The following CACNA1G variants were observed in gnomAD, a reference collection of about 807,000 sequenced individuals.
CACNA1G encodes voltage-dependent T-type calcium channel subunit alpha-1G.
Under a neutral mutation model 219.4 loss-of-function variants are expected in CACNA1G, and 67 were observed. The observed-to-expected ratio is 0.31, with a 90% CI of 0.25 to 0.37. The LOEUF (loss-of-function observed/expected upper bound fraction) is 0.37. CACNA1G is among the 10% of genes least tolerant of loss of function. The pLI is 1.00. For synonymous variants in CACNA1G, 1,296 were observed against 1,345.3 expected (o/e 0.96, Z 0.80); for missense variants, 2,380 against 3,231.4 (o/e 0.74, Z 6.39).
intron 17 of CACNA1G, 93 bp downstream of exon 17, chr17:50,599,952 C>G: frequency 7.9e-7 from 1 of 1,259,030 alleles, no homozygotes; most frequent in Admixed American, 2.4e-5. Flanking sequence ...AGTTACCATT[C>G]CAAGCCCACG....
At chr17:50,573,791 G>A (rs1026165943) in intron 7 of CACNA1G, 11 of 152,258 alleles carry the variant, frequency 7.2e-5, no homozygotes, top group African/African-American at 2.7e-4. Flanking sequence ...ATATTTAATA[G>A]TTTTAATCAC....
rs954369944 is a variant in CACNA1G, at chr17:50,618,451, C to A, written c.5427+108C>A. The A allele has an allele frequency of 2.8e-6, 4 of 1,448,544 alleles. No individual in the cohort carries two copies. The highest frequency in any genetic ancestry group is 3.8e-6 in the Non-Finnish European group (4 of 1,049,680). 89.7% of individuals were successfully genotyped at this position (1,448,544 alleles called of 1,614,324 possible). ...CAAATAAAAGCATGTGACCTTCTCT[C>A]CCCCGTGCTAGAACACTCTGGAACT... On this transcript the variant is annotated intron_variant, in intron 32 of 37. Transcript: ENST00000359106. This position sits in a 1 kb window ranked among gnomAD's most constrained non-coding sequence, Gnocchi z 5.3.
At chr17:50,625,782 C>A (rs2053634550) in intron 37 of CACNA1G, among the ~76,000 whole-genome samples, 1 of 152,052 alleles carries the variant, frequency 6.6e-6, no homozygotes, top group African/African-American at 2.4e-5. Flanking sequence ...TAGGGGAGAC[C>A]AGAGCATGGG....
chr17:50,620,119 G>C (rs984582210), intron 34 of CACNA1G, among the ~76,000 whole-genome samples: 1 of 152,138 alleles, frequency 6.6e-6, no homozygotes. Context: ...GAAGAGAAAA[G>C]AGGGGATGGG....
rs140480550 is a variant in CACNA1G, at chr17:50,574,131, GC to G, written c.1140+1019del. On this transcript the variant is annotated intron_variant, in intron 7 of 37. Coordinates refer to ENST00000359106, the MANE Select transcript of CACNA1G (RefSeq NM_018896.5). ...TCCCCATCTCTTAAATGAGAATTCA[GC>G]GCCCCAGAGGGTGGGTCACTGGGCC... is the stretch of plus-strand genomic sequence containing the variant. Among the ~76,000 whole-genome samples, 815 of 152,292 alleles carry G rather than the reference GC, an allele frequency of 5.4e-3. 8 individuals are homozygous for G. Among genetic ancestry groups the G allele is most frequent in the Non-Finnish European group, 8.8e-3 (597 of 68,030 alleles).
intron 9 of CACNA1G, among the ~76,000 whole-genome samples, chr17:50,587,352 C>A (rs1598319332): frequency 1.3e-5 from 2 of 152,270 alleles, no homozygotes; most frequent in South Asian, 4.1e-4. Flanking sequence ...GAAATGAAAT[C>A]CCACGAGGAG....
At chr17:50,625,566 C>CA (rs747513370) in intron 37 of CACNA1G, among the ~76,000 whole-genome samples, 70 of 152,276 alleles carry the variant, frequency 4.6e-4, no homozygotes, top group Non-Finnish European at 6.6e-4. Context: ...TACTTGGGGA[C>CA]AGAGACTGTC....
At chr17:50,565,722 C>T (rs974643504) in intron 1 of CACNA1G, among the ~76,000 whole-genome samples, 37 of 152,298 alleles carry the variant, frequency 2.4e-4, no homozygotes, top group African/African-American at 8.9e-4. Context: ...TCCCTACTTT[C>T]CTCACCCTTG....
In CACNA1G at chr17:50,578,118, C is replaced by T. The variant is rs2041117210; in HGVS notation, c.1925-70C>T. ...CCCAGACTCCCTGACTCATTTTACA[C>T]ATACTCACAGGGCAGGGTAGCCCCA... On this transcript the variant is annotated intron_variant, in intron 8 of 37. Transcript: ENST00000359106. The surrounding 1 kb of genome is among the most constrained non-coding windows in gnomAD (Gnocchi z 4.5). 6.8e-7 allele frequency: 1 copy of T among 1,478,948 alleles called. No homozygotes were observed. The highest frequency in any genetic ancestry group is 9.0e-7 in the Non-Finnish European group (1 of 1,117,028). The allele number at this position is 1,478,948 out of a possible 1,614,324, so 91.6% of individuals were successfully genotyped here. A position where few individuals can be genotyped will look rare whatever the true frequency, so the allele number is the denominator to read the frequency against.
At chr17:50,565,910 G>A (rs1028434260) in intron 1 of CACNA1G, among the ~76,000 whole-genome samples, 3 of 152,170 alleles carry the variant, frequency 2.0e-5, no homozygotes, top group African/African-American at 4.8e-5. Context: ...GTTGTGGGGA[G>A]AAGAAAGATC....
chr17:50,566,883 C>CT (rs1305594520), intron 1 of CACNA1G, among the ~76,000 whole-genome samples: 3 of 152,228 alleles, frequency 2.0e-5, no homozygotes, highest in African/African-American at 7.2e-5. Flanking sequence ...CGGTGGAACT[C>CT]TGCCATTAGA....
At chr17:50,608,099 G>A (rs2048326115) in intron 25 of CACNA1G, 80 bp downstream of exon 25, 1 of 1,344,802 alleles carries the variant, frequency 7.4e-7, no homozygotes, top group Non-Finnish European at 1.0e-6. Context: ...GCGACTGCAG[G>A]GGGCTGGGCG....
At chr17:50,622,531 G>A (rs1001941567) in intron 35 of CACNA1G, among the ~76,000 whole-genome samples, 5 of 152,130 alleles carry the variant, frequency 3.3e-5, no homozygotes, top group Non-Finnish European at 7.4e-5. Flanking sequence ...GGCAGTAGTG[G>A]AGCCTGGGGC....
rs998243348 is a variant in CACNA1G, at chr17:50,609,829, T to C, written c.4706-53T>C. 8 of 1,565,152 alleles carry C rather than the reference T, an allele frequency of 5.1e-6. No individual in the cohort carries two copies. The Admixed American group carries it at 1.4e-4, about 26-fold the overall frequency. The stretch of plus-strand genomic sequence containing the variant: ...AGGGGAAGCCGCCCCTGAGGGGCCC[T>C]GCCCAGCGCACCTGGTCCGGCCAGT... On this transcript the variant is annotated intron_variant, in intron 25 of 37. Transcript: ENST00000359106.
chr17:50,571,604 G>T lies in CACNA1G; in HGVS notation c.587-274G>T, dbSNP rs1377768865. 5.9e-5 allele frequency among the ~76,000 whole-genome samples: 9 copies of T among 152,218 alleles called. No individual in the cohort carries two copies. The highest frequency in any genetic ancestry group is 2.2e-4 in the African/African-American group (9 of 41,450). On this transcript the variant is annotated intron_variant, in intron 4 of 37. Transcript: ENST00000359106. The surrounding 1 kb of genome is among the most constrained non-coding windows in gnomAD (Gnocchi z 4.3). ...GATATTATCCACATGTGATGATGTTGGGAGAGTTAGGAGGGGCCACAGTTT... is the reference window on the plus strand; with the variant it reads ...GATATTATCCACATGTGATGATGTTTGGAGAGTTAGGAGGGGCCACAGTTT...
intron 3 of CACNA1G, 83 bp from the exon 4 acceptor site, chr17:50,569,623 T>C: frequency 1.0e-6 from 1 of 953,870 alleles, no homozygotes; most frequent in Non-Finnish European, 1.6e-6. Context: ...CTGCTGCCCC[T>C]AAAGCAGGAT....
chr17:50,609,227 A>G (rs1028636037), intron 25 of CACNA1G, among the ~76,000 whole-genome samples: 1 of 151,984 alleles, frequency 6.6e-6, no homozygotes, highest in Non-Finnish European at 1.5e-5. Context: ...GGAGTTGCAG[A>G]CGAGGGTGGA....
chr17:50,626,642 A>T lies in CACNA1G; in HGVS notation c.7025A>T (p.Asp2342Val), dbSNP rs371740197. 31 of 1,612,478 alleles carry T rather than the reference A, an allele frequency of 1.9e-5. No homozygotes were observed. The highest frequency in any genetic ancestry group is 6.7e-5 in the African/African-American group (5 of 74,552). Residue 2342 changes from aspartate (D) to valine (V), a missense_variant, in exon 38 of 38, where the codon GAT (aspartate) becomes GTT (valine). Asp to Val is a radical substitution (Grantham distance 152). This residue lies in a region of CACNA1G where 672 missense variants were observed against 670.5 expected (regional missense o/e 1.00). Transcript: ENST00000359106. The surrounding 1 kb of genome is among the most constrained non-coding windows in gnomAD (Gnocchi z 4.3). ...RRRAPSSDSKDPLASGPPDSM... is the reference protein window; with the variant it reads ...RRRAPSSDSKVPLASGPPDSM... ...AGGGCTCCGTCCAGCGACTCCAAGG[A>T]TCCCTTGGCCTCTGGCCCCCCTGAC... is the stretch of plus-strand genomic sequence containing the variant.
In CACNA1G at chr17:50,571,988, T is replaced by C; in HGVS notation, c.697T>C (p.Trp233Arg). Residue 233 changes from tryptophan (W) to arginine (R), a missense_variant, in exon 5 of 38, where the codon TGG (tryptophan) becomes CGG (arginine). This residue lies in a region of CACNA1G where 56 missense variants were observed against 135.8 expected (regional missense o/e 0.41). Coordinates refer to ENST00000359106, the MANE Select transcript of CACNA1G (RefSeq NM_018896.5). This position sits in a 1 kb window ranked among gnomAD's most constrained non-coding sequence, Gnocchi z 4.3. ...FIFGIVGVQLWAGLLRNRCFL... is the reference protein window; with the variant it reads ...FIFGIVGVQLRAGLLRNRCFL... ...CTTCGGCATCGTCGGCGTCCAGCTG[T>C]GGGCAGGGCTGCTTCGGAACCGATG... 6.2e-7 allele frequency: 1 copy of C among 1,613,982 alleles called. No individual in the cohort carries two copies. The highest frequency in any genetic ancestry group is 8.5e-7 in the Non-Finnish European group (1 of 1,179,850).
Sources: gnomAD v4.1 joint callset for allele counts (sites outside exome capture counted in the v4.1 genomes callset) on GRCh38, gnomAD v4.1.1 for gene constraint, gnomAD v4.1.1 regional missense constraint, Gnocchi (gnomAD v3.1) non-coding constraint, MANE v1.5 for transcripts, NCBI Gene and HGNC (gene_info 2026-07-23, HGNC 2026-07-21) for gene names.